Variants in PCDH15 observed in about 807,000 individuals in gnomAD.
PCDH15 encodes the protein protocadherin related 15.
PCDH15 carries 129 observed loss-of-function variants against 178.5 expected under a neutral mutation model. That is an observed-to-expected ratio of 0.72 (90% CI 0.63 to 0.84). The LOEUF (loss-of-function observed/expected upper bound fraction) is 0.84. Among genes scored for constraint, PCDH15 ranks in the 40% least tolerant of loss-of-function variants. PCDH15 has a pLI of 0.00. For synonymous variants in PCDH15, 800 were observed against 732.0 expected, an observed-to-expected ratio of 1.09 and a Z score of -1.50; for missense variants, 2,230 against 2,099.9, an observed-to-expected ratio of 1.06 and a Z score of -1.21.
chr10:54,773,491 G>A (rs1451353520), intron 1 of PCDH15, among the ~76,000 whole-genome samples: 1 of 152,148 alleles, frequency 6.6e-6, no homozygotes, highest in African/African-American at 2.4e-5. Context: ...TACATCATTA[G>A]ATTCTATAAT....
intron 3 of PCDH15, among the ~76,000 whole-genome samples, chr10:54,832,096 G>T (rs1037209434): frequency 4.6e-5 from 7 of 151,930 alleles, no homozygotes; most frequent in South Asian, 2.1e-4. Flanking sequence ...ATTTCTAAAG[G>T]TTCTTTTATG....
chr10:54,028,451 G>T (rs550978763), intron 18 of PCDH15, among the ~76,000 whole-genome samples: 1 of 151,572 alleles, frequency 6.6e-6, no homozygotes, highest in Non-Finnish European at 1.5e-5. Flanking sequence ...TATACCCAAA[G>T]GACTAGAAAT....
At chr10:54,587,495 T>C (rs2091571839) in intron 2 of PCDH15, among the ~76,000 whole-genome samples, 1 of 150,222 alleles carries the variant, frequency 6.7e-6, no homozygotes, top group Admixed American at 6.7e-5. Context: ...TGAAGATGTA[T>C]CAGGCTAAGT....
At chr10:53,998,268 T>C (rs902612698) in intron 20 of PCDH15, among the ~76,000 whole-genome samples, 4 of 152,166 alleles carry the variant, frequency 2.6e-5, no homozygotes, top group Non-Finnish European at 5.9e-5. Context: ...CAACAAAAAA[T>C]AGTTTTAATG....
At chr10:55,495,497 C>T (rs542193194) in intron 2 of PCDH15, among the ~76,000 whole-genome samples, 1 of 151,682 alleles carries the variant, frequency 6.6e-6, no homozygotes, top group African/African-American at 2.4e-5. Context: ...TGGCCAAAAG[C>T]AGAGCAAAGA....
At chr10:55,247,385 A>C (rs1402640233) in intron 1 of PCDH15, among the ~76,000 whole-genome samples, 2 of 152,156 alleles carry the variant, frequency 1.3e-5, no homozygotes, top group Non-Finnish European at 2.9e-5. Context: ...GGCCATGTTT[A>C]TTTCCAATTT....
intron 2 of PCDH15, among the ~76,000 whole-genome samples, chr10:55,464,940 C>CA (rs1565167411): frequency 1.4e-5 from 2 of 144,744 alleles, no homozygotes; most frequent in Admixed American, 6.9e-5. Flanking sequence ...CAAACAACAA[C>CA]AAAAAAACAG....
rs75180356 is a variant in PCDH15 at position 55,396,320 on chromosome 10, G to A, written c.-155-229669C>T. On this transcript the variant is annotated intron_variant, in intron 2 of 5. Coordinates refer to the PCDH15 transcript ENST00000613346. ...TTCTAGGAAAACAAAACAAAGAACAGCCTTTGCATCTTAAAAGTATATTAT... is the reference window on the plus strand; with the variant it reads ...TTCTAGGAAAACAAAACAAAGAACAACCTTTGCATCTTAAAAGTATATTAT... Among the ~76,000 whole-genome samples the A allele has an allele frequency of 3.8e-3, 578 of 152,200 alleles. 2 individuals carry two copies. Among genetic ancestry groups the A allele is most frequent in the African/African-American group, 0.013 (555 of 41,558 alleles).
At chr10:54,799,774 AC>A (rs1479079607) in intron 1 of PCDH15, among the ~76,000 whole-genome samples, 4 of 152,152 alleles carry the variant, frequency 2.6e-5, no homozygotes, top group Non-Finnish European at 5.9e-5. Flanking sequence ...ACACACATGT[AC>A]AGATACATTC....
intron 1 of PCDH15, among the ~76,000 whole-genome samples, chr10:55,222,998 T>C (rs1840929134): frequency 6.6e-6 from 1 of 151,990 alleles, no homozygotes; most frequent in Non-Finnish European, 1.5e-5. Context: ...ACAGACTGAA[T>C]CTCAGTTTAA....
chr10:53,839,675 T>G (rs74486586), intron 29 of PCDH15, among the ~76,000 whole-genome samples: 4 of 25,652 alleles, frequency 1.6e-4, no homozygotes, highest in African/African-American at 4.1e-4. Context: ...CTGTTAACAA[T>G]TTTTTTTTTT....
At chr10:55,304,235 G>C (rs550849072) in intron 1 of PCDH15, among the ~76,000 whole-genome samples, 94 of 151,910 alleles carry the variant, frequency 6.2e-4, no homozygotes, top group African/African-American at 2.1e-3. Context: ...CACTTTTCCT[G>C]GTATTTGGAT....
intron 28 of PCDH15, among the ~76,000 whole-genome samples, chr10:53,856,422 G>A (rs141228127): frequency 6.6e-6 from 1 of 152,034 alleles, no homozygotes; most frequent in Non-Finnish European, 1.5e-5. Context: ...TGTTAAGGAG[G>A]CAGAGGGACA....
Position 54,664,255 on chromosome 10 carries a change from C to G in PCDH15, c.8G>C (p.Arg3Pro), listed in dbSNP as rs372085398. MF[R>P]QFYLWTCLAS... ...TAAACATGTCCAGAGATAAAACTGT[C>G]GAAACATCTTCTGTCAAAGTTCACT... The change falls in exon 2 of 38, where the codon CGA (arginine) becomes CCA (proline). Residue 3 changes from arginine (R) to proline (P), a missense_variant. Coordinates refer to ENST00000644397, the MANE Select transcript of PCDH15 (RefSeq NM_001384140.1). 1.2e-6 allele frequency: 2 copies of G among 1,610,586 alleles called. No homozygotes were observed. Among genetic ancestry groups the G allele is most frequent in the African/African-American group, 1.3e-5 (1 of 74,818 alleles).
intron 1 of PCDH15, among the ~76,000 whole-genome samples, chr10:54,718,299 C>T (rs1052424362): frequency 1.3e-5 from 2 of 152,012 alleles, no homozygotes; most frequent in African/African-American, 4.8e-5. Flanking sequence ...TGACACAAGT[C>T]AACAGACAAG....
chr10:55,109,879 T>G (rs899214450), intron 2 of PCDH15, among the ~76,000 whole-genome samples: 1 of 151,846 alleles, frequency 6.6e-6, no homozygotes, highest in South Asian at 2.1e-4. Context: ...TTACATAATG[T>G]AAAGAATGTG....
chr10:54,875,634 G>A (rs1954126441), intron 3 of PCDH15, among the ~76,000 whole-genome samples: 1 of 152,176 alleles, frequency 6.6e-6, no homozygotes. Flanking sequence ...TATGGAAGAA[G>A]TTTGAAAGAT....
In PCDH15 at chr10:53,819,390, A is replaced by G. The variant is rs115510102; in HGVS notation, c.4433+775T>C. Among the ~76,000 whole-genome samples, 279 of 151,988 alleles carry G rather than the reference A, an allele frequency of 1.8e-3. 3 individuals are homozygous for G. The highest frequency in any genetic ancestry group is 6.6e-3 in the African/African-American group (274 of 41,510). On this transcript the variant is annotated intron_variant, in intron 33 of 37. Transcript: ENST00000644397. ...TGTTGCCTTTTATTTGGTTATTTGT[A>G]TTGCTTGTCTTGGCTCAAAGGCAGA... is the stretch of plus-strand genomic sequence containing the variant.
At chr10:54,806,316 C>T (rs1043680450) in intron 3 of PCDH15, among the ~76,000 whole-genome samples, 4 of 152,124 alleles carry the variant, frequency 2.6e-5, no homozygotes, top group African/African-American at 9.7e-5. Context: ...AAGCAACACA[C>T]ATTTATTATT....
Sources: allele counts gnomAD v4.1 joint callset (sites outside exome capture counted in the v4.1 genomes callset), GRCh38; gene constraint gnomAD v4.1.1; transcripts MANE v1.5; gene names NCBI Gene and HGNC (gene_info 2026-07-23, HGNC 2026-07-21).